CAMKMT: variants seen among roughly 807,000 people sequenced by gnomAD.
CAMKMT encodes the protein calmodulin-lysine N-methyltransferase.
In CAMKMT, 53 loss-of-function variants were observed where a neutral mutation model predicts 48.0. The observed-to-expected ratio is 1.10, with a 90% CI of 0.89 to 1.39. CAMKMT has a LOEUF of 1.39. CAMKMT is among the 40% of genes most tolerant of loss of function. The pLI, the probability that CAMKMT is intolerant of heterozygous loss-of-function variation, is 0.00. For missense variants in CAMKMT, 428 were observed against 402.7 expected (o/e 1.06, Z -0.54); for synonymous variants, 165 against 152.3 (o/e 1.08, Z -0.61).
intron 3 of CAMKMT, among the ~76,000 whole-genome samples, chr2:44,599,346 A>G (rs1670850830): frequency 6.6e-6 from 1 of 152,160 alleles, no homozygotes; most frequent in Admixed American, 6.5e-5. Context: ...ACACTATTGT[A>G]CAATATTTTC....
rs12615333 is a variant in CAMKMT, at chr2:44,571,289, G to A, written c.377-132994G>A. ...TTTGTTTTCCACATAAAAGAATGAAGAATTTGTGAGGGTGAGGTAAAAGAG... is the reference window on the plus strand; with the variant it reads ...TTTGTTTTCCACATAAAAGAATGAAAAATTTGTGAGGGTGAGGTAAAAGAG... On this transcript the variant is annotated intron_variant, in intron 3 of 10. Transcript: ENST00000378494. Among the ~76,000 whole-genome samples the A allele has an allele frequency of 2.6e-3, 399 of 152,254 alleles. 6 individuals are homozygous for A. The highest frequency in any genetic ancestry group is 2.3e-3 in the Non-Finnish European group (157 of 67,996).
chr2:44,674,253 G>A (rs577601294), intron 3 of CAMKMT, among the ~76,000 whole-genome samples: 3 of 152,154 alleles, frequency 2.0e-5, no homozygotes, highest in Non-Finnish European at 2.9e-5. Context: ...ATCCAAAAGG[G>A]TATGCAAACC....
intron 3 of CAMKMT, among the ~76,000 whole-genome samples, chr2:44,571,216 T>C (rs2103735382): frequency 6.6e-6 from 1 of 152,302 alleles, no homozygotes; most frequent in African/African-American, 2.4e-5. Context: ...AGGTAAGATT[T>C]GTATAGTGAT....
chr2:44,466,140 A>G lies in CAMKMT; in HGVS notation c.376+75835A>G, dbSNP rs74409168. On this transcript the variant is annotated intron_variant, in intron 3 of 10. Coordinates refer to ENST00000378494, the MANE Select transcript of CAMKMT (RefSeq NM_024766.5). ...TAGATCAACTAGACAGAAGATCATA[A>G]GGAAACAAAGGACTTCAATAACATT... Among the ~76,000 whole-genome samples, 4,073 of 152,300 alleles carry G rather than the reference A, an allele frequency of 0.027. 334 individuals carry two copies. The East Asian group carries it at 0.32, about 12-fold the overall frequency.
chr2:44,423,110 A>G (rs904428830), intron 3 of CAMKMT, among the ~76,000 whole-genome samples: 1 of 152,196 alleles, frequency 6.6e-6, no homozygotes, highest in Non-Finnish European at 1.5e-5. Flanking sequence ...TCCTGGTTTC[A>G]GTAGAATTAT....
At position 44,689,264 on chromosome 2, in the gene CAMKMT, TTTTATTTATTTA is replaced by T. The variant is rs148599125; in HGVS notation, c.377-14983_377-14972del. On this transcript the variant is annotated intron_variant, in intron 3 of 10. Transcript: ENST00000378494. ...TTTCAAGACATGACCCAGCACTATT[TTTTATTTATTTA>T]TTTATTTATTTATTTATTTATTTAT... Among the ~76,000 whole-genome samples, 685 of 136,250 alleles carry T rather than the reference TTTTATTTATTTA, an allele frequency of 5.0e-3. 4 individuals carry two copies. The highest frequency in any genetic ancestry group is 7.5e-3 in the Middle Eastern group (2 of 268). 89.4% of individuals were successfully genotyped at this position (136,250 alleles called of 152,430 possible).
chr2:44,706,429 C>A (rs1364730499), intron 5 of CAMKMT, 88 bp downstream of exon 5: 1 of 1,289,464 alleles, frequency 7.8e-7, no homozygotes, highest in Non-Finnish European at 1.1e-6. Flanking sequence ...GTCAGAGAAC[C>A]GTCAACAGCA....
rs758982821 is a variant in CAMKMT at position 44,772,199 on chromosome 2, C to A, written c.*86C>A. 39 of 1,051,592 alleles carry A rather than the reference C, an allele frequency of 3.7e-5. No homozygotes were observed. The highest frequency in any genetic ancestry group is 5.5e-5 in the Non-Finnish European group (38 of 689,772). 65.1% of individuals were successfully genotyped at this position (1,051,592 alleles called of 1,614,324 possible). On this transcript the variant is annotated 3_prime_UTR_variant, in exon 11 of 11. Coordinates refer to ENST00000378494, the MANE Select transcript of CAMKMT (RefSeq NM_024766.5). ...AACGGAAATCTGTAAGGGGTATAAT[C>A]GCCTGCCTGCGCCCTTTGCAGCATT...
chr2:44,374,830 T>C (rs1047133090), intron 2 of CAMKMT, among the ~76,000 whole-genome samples: 3 of 151,114 alleles, frequency 2.0e-5, no homozygotes, highest in Non-Finnish European at 4.4e-5. Flanking sequence ...GCTGCCAAGA[T>C]TTTTTTTTTC....
At chr2:44,588,748 C>T (rs1345771973) in intron 3 of CAMKMT, among the ~76,000 whole-genome samples, 4 of 41,414 alleles carry the variant, frequency 9.7e-5, no homozygotes, top group Admixed American at 2.6e-4. Flanking sequence ...AGGTGAGGGG[C>T]GCCTCTGCCC....
At chr2:44,766,251 T>C (rs183053542) in intron 9 of CAMKMT, among the ~76,000 whole-genome samples, 179 bp from the exon 10 acceptor site, 5 of 152,238 alleles carry the variant, frequency 3.3e-5, no homozygotes, top group Non-Finnish European at 5.9e-5. Flanking sequence ...TCGATTCTTA[T>C]ATGATATACA....
At chr2:44,636,327 C>T (rs1673132317) in intron 3 of CAMKMT, among the ~76,000 whole-genome samples, 1 of 152,156 alleles carries the variant, frequency 6.6e-6, no homozygotes, top group African/African-American at 2.4e-5. Flanking sequence ...ATGAGTTATT[C>T]CAAATCAGGA....
chr2:44,673,522 G>GAAGGAAGGAAGGAAGGAAGGA (rs945472268), intron 3 of CAMKMT, among the ~76,000 whole-genome samples: 2 of 76,626 alleles, frequency 2.6e-5, no homozygotes, highest in African/African-American at 5.2e-5. Context: ...AGGAAGGAAG[G>GAAGGAAGGAAGGAAGGAAGGA]AGGGAAGGAA....
chr2:44,685,086 A>G (rs1281950365), intron 3 of CAMKMT, among the ~76,000 whole-genome samples: 1 of 152,296 alleles, frequency 6.6e-6, no homozygotes, highest in African/African-American at 2.4e-5. Flanking sequence ...GAAGAAAACA[A>G]TGAGGTCCCT....
In CAMKMT at chr2:44,556,450, CTTTTTTTTTTT is replaced by C. The variant is rs1176467214; in HGVS notation, c.377-147813_377-147803del. Reference sequence around the variant, plus strand: ...CACCGTGTCCAGCCAATTTTTCTTTCTTTTTTTTTTTTTTTTTTTTTTTTTTTTTTGAGACG... The same window carrying C: ...CACCGTGTCCAGCCAATTTTTCTTTCTTTTTTTTTTTTTTTTTTTGAGACG... On this transcript the variant is annotated intron_variant, in intron 3 of 10. Coordinates refer to ENST00000378494, the MANE Select transcript of CAMKMT (RefSeq NM_024766.5). Among the ~76,000 whole-genome samples the C allele has an allele frequency of 4.6e-4, 23 of 50,280 alleles. 3 individuals carry two copies. The highest frequency in any genetic ancestry group is 1.7e-3 in the East Asian group (3 of 1,788). 33.0% of individuals were successfully genotyped at this position (50,280 alleles called of 152,430 possible).
chr2:44,543,282 T>C (rs1000254761), intron 3 of CAMKMT, among the ~76,000 whole-genome samples: 1 of 152,226 alleles, frequency 6.6e-6, no homozygotes, highest in East Asian at 1.9e-4. Flanking sequence ...GAGCCTCTAT[T>C]TCTTCCAGTA....
At chr2:44,769,246 A>C (rs1405063831) in intron 10 of CAMKMT, among the ~76,000 whole-genome samples, 1 of 152,152 alleles carries the variant, frequency 6.6e-6, no homozygotes, top group Non-Finnish European at 1.5e-5. Context: ...TAACTGTGAA[A>C]TTTTATTTCC....
intron 3 of CAMKMT, among the ~76,000 whole-genome samples, chr2:44,473,024 C>T (rs980464726): frequency 2.0e-5 from 3 of 152,144 alleles, no homozygotes; most frequent in Admixed American, 6.5e-5. Context: ...TCCATTACAA[C>T]GTGTCTAAAT....
intron 3 of CAMKMT, among the ~76,000 whole-genome samples, chr2:44,544,245 A>G (rs1475937281): frequency 1.3e-5 from 2 of 152,136 alleles, no homozygotes; most frequent in African/African-American, 4.8e-5. Context: ...GACATTTGGG[A>G]AAGTTAGCAA....
Sources: allele counts gnomAD v4.1 joint callset (sites outside exome capture counted in the v4.1 genomes callset), GRCh38; gene constraint gnomAD v4.1.1; transcripts MANE v1.5; gene names NCBI Gene and HGNC (gene_info 2026-07-23, HGNC 2026-07-21).